Variants in NRXN1 observed in about 807,000 individuals in gnomAD.
NRXN1 encodes the protein neurexin 1, also known as neurexin-1.
Under a neutral mutation model 150.9 loss-of-function variants are expected in NRXN1, and 39 were observed. That is an observed-to-expected ratio of 0.26 (90% CI 0.20 to 0.34). NRXN1 has a LOEUF of 0.34. Among genes scored for constraint, NRXN1 ranks in the 10% least tolerant of loss-of-function variants. The probability of loss-of-function intolerance (pLI) is 1.00; values close to 1 mark genes in which losing one functional copy is unlikely to be tolerated. For missense variants in NRXN1, 1,815 were observed against 1,949.9 expected, an observed-to-expected ratio of 0.93 and a Z score of 1.30; for synonymous variants, 924 against 757.0, an observed-to-expected ratio of 1.22 and a Z score of -3.62.
intron 19 of NRXN1, 148 bp downstream of exon 19, chr2:50,091,175 A>G (rs1699503495): frequency 4.6e-6 from 4 of 869,446 alleles, no homozygotes; most frequent in Non-Finnish European, 7.5e-6. Flanking sequence ...AGTTTAGGAC[A>G]GCATTACATT....
intron 21 of NRXN1, among the ~76,000 whole-genome samples, chr2:49,974,365 A>C (rs1484218712): frequency 6.6e-6 from 1 of 152,104 alleles, no homozygotes; most frequent in African/African-American, 2.4e-5. Flanking sequence ...TTGCTCCCCT[A>C]ACGAGACCGC....
At chr2:49,922,827 C>CTAA (rs1256156750) in intron 22 of NRXN1, among the ~76,000 whole-genome samples, 2 of 152,096 alleles carry the variant, frequency 1.3e-5, no homozygotes, top group Non-Finnish European at 2.9e-5. Flanking sequence ...TAAAAATAGA[C>CTAA]TAATTTCCAT....
chr2:50,787,606 A>G (rs1043219289), intron 5 of NRXN1, among the ~76,000 whole-genome samples: 2 of 151,186 alleles, frequency 1.3e-5, no homozygotes, highest in Non-Finnish European at 3.0e-5. Context: ...AACAACAACA[A>G]AAACAAGAAA....
intron 5 of NRXN1, among the ~76,000 whole-genome samples, chr2:50,711,529 T>C (rs1439777128): frequency 2.0e-5 from 3 of 151,886 alleles, no homozygotes; most frequent in African/African-American, 7.3e-5. Flanking sequence ...AGAGACAGGT[T>C]TTCATCATAT....
intron 3 of NRXN1, among the ~76,000 whole-genome samples, chr2:50,924,014 T>A (rs913579635): frequency 3.3e-5 from 5 of 151,844 alleles, no homozygotes; most frequent in Non-Finnish European, 7.4e-5. Flanking sequence ...CAACAGCTTA[T>A]GATCTATTGA....
chr2:49,936,816 G>GCCCACA (rs202032583), intron 22 of NRXN1, among the ~76,000 whole-genome samples: 3 of 149,888 alleles, frequency 2.0e-5, no homozygotes, highest in African/African-American at 7.4e-5. Flanking sequence ...AAAAACATAT[G>GCCCACA]TACACACACA....
At chr2:50,469,477 T>C (rs2089252999) in intron 16 of NRXN1, among the ~76,000 whole-genome samples, 1 of 151,620 alleles carries the variant, frequency 6.6e-6, no homozygotes, top group South Asian at 2.1e-4. Flanking sequence ...ACCAAACATA[T>C]GCTAAGTAGT....
Position 49,935,602 on chromosome 2 carries a change from C to T in NRXN1, c.4216+8102G>A, listed in dbSNP as rs77953772. 7.2e-3 allele frequency among the ~76,000 whole-genome samples: 1,090 copies of T among 152,276 alleles called. 18 individuals carry two copies. The highest frequency in any genetic ancestry group is 0.025 in the African/African-American group (1,046 of 41,550). On this transcript the variant is annotated intron_variant, in intron 22 of 22. Transcript: ENST00000401669. ...AGCTGAAGGCTAAAGCCAAATGTAG[C>T]ATTTGCTGCCCCTTGGAGCATATGT...
chr2:49,990,483 T>A (rs913282179), intron 21 of NRXN1, among the ~76,000 whole-genome samples: 1 of 152,192 alleles, frequency 6.6e-6, no homozygotes, highest in Admixed American at 6.5e-5. Context: ...TATTTATATA[T>A]TTAAAAGATC....
At chr2:50,887,069 A>G (rs1420069176) in intron 5 of NRXN1, among the ~76,000 whole-genome samples, 7 of 151,444 alleles carry the variant, frequency 4.6e-5, no homozygotes, top group African/African-American at 1.4e-4. Flanking sequence ...TTTTAAGAAT[A>G]TATTTTTCTT....
chr2:50,134,045 A>G (rs1331827230), intron 18 of NRXN1, among the ~76,000 whole-genome samples: 1 of 152,140 alleles, frequency 6.6e-6, no homozygotes, highest in Non-Finnish European at 1.5e-5. Flanking sequence ...TGATTGAACA[A>G]ACAAACCTAT....
At chr2:50,099,118 G>T (rs1323476941) in intron 18 of NRXN1, among the ~76,000 whole-genome samples, 1 of 151,858 alleles carries the variant, frequency 6.6e-6, no homozygotes, top group Non-Finnish European at 1.5e-5. Flanking sequence ...TTAACTTCCT[G>T]GAGGCTTAAA....
intron 18 of NRXN1, among the ~76,000 whole-genome samples, chr2:50,129,308 C>G (rs542911901): frequency 9.9e-5 from 15 of 152,052 alleles, no homozygotes; most frequent in African/African-American, 2.4e-5. Context: ...GGATATAGTT[C>G]GGACTACTCC....
At chr2:50,257,681 G>C (rs1002256501) in intron 17 of NRXN1, among the ~76,000 whole-genome samples, 2 of 151,900 alleles carry the variant, frequency 1.3e-5, no homozygotes, top group South Asian at 2.1e-4. Flanking sequence ...CTAATTAATG[G>C]GAAGTTGGAT....
At chr2:50,606,195 G>T (rs544763329) in intron 8 of NRXN1, among the ~76,000 whole-genome samples, 2 of 144,916 alleles carry the variant, frequency 1.4e-5, no homozygotes, top group East Asian at 4.2e-4. Flanking sequence ...GGTGCAGTGA[G>T]CTAAGATTAC....
At chr2:50,091,555 A>G in intron 18 of NRXN1, 61 bp from the exon 19 acceptor site, 1 of 1,533,398 alleles carries the variant, frequency 6.5e-7, no homozygotes, top group Admixed American at 1.7e-5. Context: ...TTTAATAAAG[A>G]TTACATACAA....
At chr2:50,289,247 A>T (rs1191285563) in intron 17 of NRXN1, among the ~76,000 whole-genome samples, 1 of 152,174 alleles carries the variant, frequency 6.6e-6, no homozygotes, top group East Asian at 1.9e-4. Flanking sequence ...ACTAGCCATC[A>T]AATAAGTTGA....
At chr2:50,515,195 A>G (rs10210592) in intron 12 of NRXN1, among the ~76,000 whole-genome samples, 125,686 of 152,146 alleles carry the variant, frequency 0.83, 52,105 homozygotes, top group Non-Finnish European at 0.86. Context: ...TGCACATGCA[A>G]GGGATCTAGG....
At chr2:50,269,606 T>G (rs1398295208) in intron 17 of NRXN1, among the ~76,000 whole-genome samples, 1 of 152,170 alleles carries the variant, frequency 6.6e-6, no homozygotes, top group Non-Finnish European at 1.5e-5. Context: ...ATTTTATAGC[T>G]AGAAGTTAAG....
Sources: gnomAD v4.1 joint callset for allele counts (sites outside exome capture counted in the v4.1 genomes callset) on GRCh38, gnomAD v4.1.1 for gene constraint, MANE v1.5 for transcripts, NCBI Gene and HGNC (gene_info 2026-07-23, HGNC 2026-07-21) for gene names.